Variants in RABEP1 observed in about 807,000 individuals in gnomAD.
RABEP1 encodes rabaptin, RAB GTPase binding effector protein 1, also known as rab GTPase-binding effector protein 1.
RABEP1 carries 51 observed loss-of-function variants against 123.4 expected under a neutral mutation model. That is an observed-to-expected ratio of 0.41 (90% CI 0.33 to 0.52). The LOEUF (loss-of-function observed/expected upper bound fraction) is 0.52. Ranked by LOEUF, RABEP1 falls within the 20% of genes least tolerant of loss-of-function variation. The pLI is 0.16. For missense variants in RABEP1, 888 were observed against 996.3 expected (o/e 0.89, Z 1.46); for synonymous variants, 347 against 355.2 (o/e 0.98, Z 0.26).
At chr17:5,344,169 A>G (rs1907865005) in intron 5 of RABEP1, among the ~76,000 whole-genome samples, 1 of 152,176 alleles carries the variant, frequency 6.6e-6, no homozygotes, top group Non-Finnish European at 1.5e-5. Context: ...TAAAATTGCT[A>G]AGTTGGCTGG....
intron 2 of RABEP1, among the ~76,000 whole-genome samples, chr17:5,329,905 A>G (rs1168651869): frequency 6.6e-6 from 1 of 151,384 alleles, no homozygotes; most frequent in Non-Finnish European, 1.5e-5. Flanking sequence ...TTAAGTGCCA[A>G]AAATGGATAT....
intron 5 of RABEP1, among the ~76,000 whole-genome samples, chr17:5,342,093 A>T (rs1447143039): frequency 6.6e-6 from 1 of 152,242 alleles, no homozygotes; most frequent in African/African-American, 2.4e-5. Context: ...ACCTAATAAG[A>T]GTTCAACAAT....
intron 5 of RABEP1, among the ~76,000 whole-genome samples, chr17:5,346,434 T>C (rs1269870383): frequency 2.6e-5 from 4 of 152,176 alleles, no homozygotes; most frequent in Non-Finnish European, 5.9e-5. Context: ...TAACTACCGA[T>C]TTAAAAAAGC....
intron 1 of RABEP1, among the ~76,000 whole-genome samples, chr17:5,305,771 C>T (rs1229480633): frequency 6.6e-6 from 1 of 152,148 alleles, no homozygotes; most frequent in Non-Finnish European, 1.5e-5. Flanking sequence ...AGAATTAGCA[C>T]AGAGAACAGA....
chr17:5,300,576 C>T (rs1349585519), intron 1 of RABEP1, among the ~76,000 whole-genome samples: 2 of 152,080 alleles, frequency 1.3e-5, no homozygotes, highest in East Asian at 1.9e-4. Context: ...TATGTGCTCC[C>T]CCATCCCCGT....
intron 2 of RABEP1, among the ~76,000 whole-genome samples, chr17:5,318,996 C>T (rs74386566): frequency 1.3e-5 from 2 of 152,110 alleles, no homozygotes; most frequent in African/African-American, 4.8e-5. Context: ...TATCAGAATA[C>T]CACTTTGTAC....
intron 8 of RABEP1, among the ~76,000 whole-genome samples, chr17:5,360,555 C>G (rs1272262765): frequency 6.6e-6 from 1 of 152,232 alleles, no homozygotes; most frequent in East Asian, 1.9e-4. Context: ...GAGCGAGACT[C>G]CGTCTCAGAA....
At chr17:5,313,363 C>G (rs2075263948) in intron 2 of RABEP1, among the ~76,000 whole-genome samples, 1 of 152,122 alleles carries the variant, frequency 6.6e-6, no homozygotes, top group Non-Finnish European at 1.5e-5. Flanking sequence ...CCTCTTATAC[C>G]AAAACCTCTG....
intron 2 of RABEP1, among the ~76,000 whole-genome samples, chr17:5,319,187 G>A (rs2075327374): frequency 1.3e-5 from 2 of 151,458 alleles, no homozygotes; most frequent in Admixed American, 6.6e-5. Context: ...AAAATTAACC[G>A]GGTGTGGTGG....
In RABEP1 at chr17:5,299,721, T is replaced by TTTC. The variant is rs1200312994; in HGVS notation, c.35-8971_35-8970insCTT. On this transcript the variant is annotated intron_variant, in intron 1 of 17. Coordinates refer to ENST00000537505, the MANE Select transcript of RABEP1 (RefSeq NM_004703.6). The stretch of plus-strand genomic sequence containing the variant: ...ATTTCTTTTTCTTTTTTTCTTTTCT[T>TTTC]TTTCTTTTTCTTTTTTTTTTTTTTT... 3.5e-3 allele frequency among the ~76,000 whole-genome samples: 343 copies of TTTC among 98,052 alleles called. 19 individuals carry two copies. Among genetic ancestry groups the TTTC allele is most frequent in the East Asian group, 0.031 (29 of 944 alleles). 64.3% of individuals were successfully genotyped at this position (98,052 alleles called of 152,430 possible). A position where few individuals can be genotyped will look rare whatever the true frequency, so the allele number is the denominator to read the frequency against.
In RABEP1 at chr17:5,298,950, C is replaced by T. The variant is rs551321413; in HGVS notation, c.35-9744C>T. On this transcript the variant is annotated intron_variant, in intron 1 of 17. Coordinates refer to ENST00000537505, the MANE Select transcript of RABEP1 (RefSeq NM_004703.6). ...GATTACAGGCGTGAGCCACTGTGCC[C>T]GGCCTCCTCCAGGATTTTAAACTAG... Among the ~76,000 whole-genome samples, 11 of 152,288 alleles carry T rather than the reference C, an allele frequency of 7.2e-5. No homozygotes were observed. The South Asian group carries it at 8.3e-4, about 11-fold the overall frequency.
chr17:5,344,764 A>G (rs1379009065), intron 5 of RABEP1, among the ~76,000 whole-genome samples: 17 of 105,320 alleles, frequency 1.6e-4, no homozygotes, highest in Non-Finnish European at 2.6e-4. Context: ...AGAGCAAGAC[A>G]CTGTCTCAAA....
chr17:5,338,499 C>T (rs1442848708), intron 5 of RABEP1, among the ~76,000 whole-genome samples: 4 of 152,182 alleles, frequency 2.6e-5, no homozygotes, highest in African/African-American at 9.6e-5. Flanking sequence ...AGCCCGGTGG[C>T]GGAGGTTGCA....
intron 11 of RABEP1, among the ~76,000 whole-genome samples, chr17:5,366,538 C>T (rs997751812): frequency 7.2e-5 from 11 of 151,904 alleles, no homozygotes; most frequent in South Asian, 4.2e-4. Context: ...CTCTGTTTCC[C>T]GGGTTCAAGC....
chr17:5,373,267 A>G, intron 12 of RABEP1, 47 bp from the exon 13 acceptor site: 2 of 1,583,546 alleles, frequency 1.3e-6, no homozygotes, highest in Non-Finnish European at 1.7e-6. Flanking sequence ...CTATCACCAG[A>G]CCGGATCTAC....
At chr17:5,376,655 T>A (rs986204143) in intron 13 of RABEP1, among the ~76,000 whole-genome samples, 9 of 152,162 alleles carry the variant, frequency 5.9e-5, no homozygotes, top group African/African-American at 2.2e-4. Flanking sequence ...CTGGTAGATG[T>A]TTAGTAAATG....
chr17:5,328,590 G>C (rs146408949), intron 2 of RABEP1, among the ~76,000 whole-genome samples: 1,876 of 146,598 alleles, frequency 0.013, 82 homozygotes, highest in Admixed American at 0.091. Context: ...AGATTGCAGT[G>C]AGCTGAGGTC....
At chr17:5,379,692 C>T (rs567701586) in intron 15 of RABEP1, among the ~76,000 whole-genome samples, 39 of 152,326 alleles carry the variant, frequency 2.6e-4, no homozygotes, top group African/African-American at 9.1e-4. Context: ...CTTATTGTAA[C>T]AGCCTAACTT....
At chr17:5,304,087 C>T (rs909678606) in intron 1 of RABEP1, among the ~76,000 whole-genome samples, 4 of 151,570 alleles carry the variant, frequency 2.6e-5, no homozygotes, top group Non-Finnish European at 5.9e-5. Context: ...GTAAGAGGAA[C>T]GTAGTAGTAG....
Sources: allele counts gnomAD v4.1 joint callset (sites outside exome capture counted in the v4.1 genomes callset), GRCh38; gene constraint gnomAD v4.1.1; transcripts MANE v1.5; gene names NCBI Gene and HGNC (gene_info 2026-07-23, HGNC 2026-07-21).